RPA3: variants seen among roughly 807,000 people sequenced by gnomAD.
The protein encoded by RPA3 is replication protein A3.
In RPA3, 24 loss-of-function variants were observed where a neutral mutation model predicts 13.7. The ratio of observed to expected loss-of-function variants is 1.75; its 90% CI spans 1.27 to 2.46. RPA3 has a LOEUF of 2.46. Among genes scored for constraint, RPA3 ranks in the 30% most tolerant of loss-of-function variants. RPA3 has a pLI of 0.00. For synonymous variants in RPA3, 59 were observed against 51.2 expected, an observed-to-expected ratio of 1.15 and a Z score of -0.65; for missense variants, 183 against 151.0, an observed-to-expected ratio of 1.21 and a Z score of -1.11.
At chr7:7,711,974 A>G (rs1780776609) in intron 2 of RPA3, among the ~76,000 whole-genome samples, 1 of 152,082 alleles carries the variant, frequency 6.6e-6, no homozygotes, top group Non-Finnish European at 1.5e-5. Flanking sequence ...TTGTAGGGAT[A>G]ACCTATTTTC....
chr7:7,640,299 C>G, intron 5 of RPA3, 21 bp downstream of exon 5: 1 of 1,613,272 alleles, frequency 6.2e-7, no homozygotes, highest in Non-Finnish European at 8.5e-7. Flanking sequence ...CTTGGGAGCC[C>G]ATGATTGCGA....
At chr7:7,686,396 A>G (rs2115130337) in intron 3 of RPA3, among the ~76,000 whole-genome samples, 1 of 152,314 alleles carries the variant, frequency 6.6e-6, no homozygotes, top group Admixed American at 6.5e-5. Context: ...TTAAAGCAGT[A>G]AAGTTATGGG....
chr7:7,665,824 CTT>C (rs1331154292), intron 4 of RPA3, among the ~76,000 whole-genome samples: 5 of 143,090 alleles, frequency 3.5e-5, no homozygotes, highest in Admixed American at 7.0e-5. Flanking sequence ...TTTCCATCAG[CTT>C]TTTTTTTTTT....
intron 2 of RPA3, among the ~76,000 whole-genome samples, chr7:7,691,595 A>T (rs1198358628): frequency 6.6e-6 from 1 of 152,220 alleles, no homozygotes; most frequent in African/African-American, 2.4e-5. Flanking sequence ...CGCATTTCAG[A>T]TCATTTTGCT....
intron 4 of RPA3, among the ~76,000 whole-genome samples, chr7:7,666,277 C>T (rs980608005): frequency 9.9e-5 from 15 of 152,232 alleles, no homozygotes; most frequent in Admixed American, 7.2e-4. Flanking sequence ...GATCTTGCCT[C>T]ATTGCATGCT....
chr7:7,698,637 T>C (rs1780374710), intron 2 of RPA3, among the ~76,000 whole-genome samples: 1 of 152,162 alleles, frequency 6.6e-6, no homozygotes, highest in South Asian at 2.1e-4. Context: ...AGTAACCCAG[T>C]TGTAATGTGG....
chr7:7,716,712 G>A (rs1195371017), intron 1 of RPA3, among the ~76,000 whole-genome samples: 2 of 152,214 alleles, frequency 1.3e-5, no homozygotes, highest in South Asian at 2.1e-4. Flanking sequence ...TTGGGAGGCC[G>A]AGGCAGGCGG....
At chr7:7,637,462 G>A (rs1399761453) in intron 7 of RPA3, among the ~76,000 whole-genome samples, 1 of 151,914 alleles carries the variant, frequency 6.6e-6, no homozygotes, top group African/African-American at 2.4e-5. Flanking sequence ...CTACTTAAAA[G>A]CAGGCCAAAA....
intron 4 of RPA3, among the ~76,000 whole-genome samples, chr7:7,647,845 G>A (rs1424458764): frequency 6.6e-6 from 1 of 152,158 alleles, no homozygotes; most frequent in African/African-American, 2.4e-5. Flanking sequence ...GCTCAAGCAA[G>A]CCTCCCTCCT....
chr7:7,662,932 A>G (rs35278933), intron 4 of RPA3, among the ~76,000 whole-genome samples: 26,701 of 152,182 alleles, frequency 0.18, 2,553 homozygotes, highest in Middle Eastern at 0.24. Context: ...ATAATTTTCA[A>G]TGGAAAGTTT....
At chr7:7,670,826 A>G (rs1485883881) in intron 4 of RPA3, among the ~76,000 whole-genome samples, 1 of 152,228 alleles carries the variant, frequency 6.6e-6, no homozygotes, top group Non-Finnish European at 1.5e-5. Flanking sequence ...AGAACAGTCA[A>G]AAGTTGTAGC....
At chr7:7,665,273 C>G (rs1013284712) in intron 4 of RPA3, among the ~76,000 whole-genome samples, 1 of 152,184 alleles carries the variant, frequency 6.6e-6, no homozygotes, top group African/African-American at 2.4e-5. Context: ...CTATTCTGAA[C>G]AATAGGATCT....
chr7:7,660,666 A>G (rs1481242475), intron 4 of RPA3, among the ~76,000 whole-genome samples: 1 of 152,192 alleles, frequency 6.6e-6, no homozygotes, highest in Non-Finnish European at 1.5e-5. Context: ...CTGCAGAGAG[A>G]TCCACTGTTA....
chr7:7,685,084 A>G (rs1780009485), intron 4 of RPA3, among the ~76,000 whole-genome samples: 1 of 152,192 alleles, frequency 6.6e-6, no homozygotes, highest in Admixed American at 6.5e-5. Context: ...TATTAAAGAT[A>G]TAGATAATGA....
chr7:7,676,254 C>T (rs1779736260), intron 4 of RPA3: 2 of 398,250 alleles, frequency 5.0e-6, no homozygotes, highest in African/African-American at 2.1e-5. Flanking sequence ...AGGAAATGAG[C>T]ACGATATCGG....
chr7:7,718,488 A>T (rs563355938), intron 1 of RPA3, 27 bp downstream of exon 1: 3 of 152,230 alleles, frequency 2.0e-5, no homozygotes, highest in African/African-American at 7.2e-5. Flanking sequence ...AAAACTATGT[A>T]TCCAACAAAT....
chr7:7,674,987 T>C (rs1583720644), intron 4 of RPA3, among the ~76,000 whole-genome samples: 1 of 152,062 alleles, frequency 6.6e-6, no homozygotes, highest in East Asian at 1.9e-4. Context: ...CTCTGCTTTT[T>C]TCTGTTGTTT....
Position 7,643,004 on chromosome 7 carries a change from G to A in RPA3, c.-757-1829C>T, listed in dbSNP as rs139903523. 4.8e-3 allele frequency among the ~76,000 whole-genome samples: 736 copies of A among 152,206 alleles called. 14 individuals are homozygous for A. The highest frequency in any genetic ancestry group is 0.017 in the African/African-American group (703 of 41,516). The stretch of plus-strand genomic sequence containing the variant: ...GATTCATCTATGTTGACGAATGTAC[G>A]TAGATCATATTTTTTTTTCTGTTAC... On this transcript the variant is annotated intron_variant, in intron 4 of 7. Transcript: ENST00000223129.
intron 4 of RPA3, among the ~76,000 whole-genome samples, chr7:7,655,531 A>G (rs1187315852): frequency 4.6e-5 from 7 of 152,190 alleles, no homozygotes; most frequent in Admixed American, 1.3e-4. Flanking sequence ...TTTGTAGCTC[A>G]CCATCTTCCA....
Sources: gnomAD v4.1 joint callset for allele counts (sites outside exome capture counted in the v4.1 genomes callset) on GRCh38, gnomAD v4.1.1 for gene constraint, MANE v1.5 for transcripts, NCBI Gene and HGNC (gene_info 2026-07-23, HGNC 2026-07-21) for gene names.